Variants in CRTC1 observed in about 807,000 individuals in gnomAD.
CRTC1 encodes the protein CREB-regulated transcription coactivator 1.
In CRTC1, 18 loss-of-function variants were observed where a neutral mutation model predicts 66.1. The observed-to-expected ratio is 0.27, with a 90% CI of 0.19 to 0.40. The LOEUF is 0.40. Among genes scored for constraint, CRTC1 ranks in the 10% least tolerant of loss-of-function variants. CRTC1 has a pLI of 1.00. For missense variants in CRTC1, 669 were observed against 887.9 expected (o/e 0.75, Z 3.13); for synonymous variants, 416 against 398.8 (o/e 1.04, Z -0.51).
At position 18,780,749 on chromosome 19, in the gene CRTC1, G is replaced by T. The variant is rs977346952; in HGVS notation, c.*3367G>T. Reference sequence around the variant, plus strand: ...TTGCTGTGTTGCCCAGGCTGGTCTCGGACTCCTGGGCTCAAGCAGTCCTCC... The same window carrying T: ...TTGCTGTGTTGCCCAGGCTGGTCTCTGACTCCTGGGCTCAAGCAGTCCTCC... On this transcript the variant is annotated 3_prime_UTR_variant, in exon 14 of 14. Transcript: ENST00000321949. 2 of 216,474 alleles carry T rather than the reference G, an allele frequency of 9.2e-6. No homozygotes were observed. The highest frequency in any genetic ancestry group is 1.8e-4 in the South Asian group (1 of 5,610). 13.4% of individuals were successfully genotyped at this position (216,474 alleles called of 1,614,324 possible).
rs533083004 is a variant in CRTC1 at position 18,768,285 on chromosome 19, C to T, written c.1012-200C>T. On this transcript the variant is annotated intron_variant, in intron 9 of 13. Transcript: ENST00000321949. This position sits in a 1 kb window ranked among gnomAD's most constrained non-coding sequence, Gnocchi z 5.6. ...GAGGTCAGGTCCTGCCCAGCTCCAG[C>T]TGACCCCCTTGGGGCCCTGCGTGAG... Among the ~76,000 whole-genome samples the T allele has an allele frequency of 2.6e-5, 4 of 152,338 alleles. No individual in the cohort carries two copies. The highest frequency in any genetic ancestry group is 9.6e-5 in the African/African-American group (4 of 41,576).
rs560740338 is a variant in CRTC1, at chr19:18,778,877, G to T, written c.*1495G>T. ...GCCCACACCCCCTCTCTTGGGCAGCGTGGTCTGCTGGCTGCCCCTTCTTGG... is the reference window on the plus strand; with the variant it reads ...GCCCACACCCCCTCTCTTGGGCAGCTTGGTCTGCTGGCTGCCCCTTCTTGG... On this transcript the variant is annotated 3_prime_UTR_variant, in exon 14 of 14. Coordinates refer to ENST00000321949, the MANE Select transcript of CRTC1 (RefSeq NM_015321.3). The T allele has an allele frequency of 1.7e-5, 4 of 231,160 alleles. No homozygotes were observed. The highest frequency in any genetic ancestry group is 3.4e-5 in the Non-Finnish European group (4 of 116,796). 14.3% of individuals were successfully genotyped at this position (231,160 alleles called of 1,614,324 possible).
At chr19:18,765,094 T>TGGGCCAGCCTGGTTACATGCCCATCTGG (rs2054698972) in intron 8 of CRTC1, among the ~76,000 whole-genome samples, 1 of 152,120 alleles carries the variant, frequency 6.6e-6, no homozygotes, top group African/African-American at 2.4e-5. Context: ...AGGCTCTCAT[T>TGGGCCAGCCTGGTTACATGCCCATCTGG]GGGCCAGCCT....
intron 7 of CRTC1, 52 bp from the exon 8 acceptor site, chr19:18,759,956 G>C (rs114849925): frequency 6.5e-5 from 79 of 1,220,962 alleles, no homozygotes; most frequent in Non-Finnish European, 7.5e-5. Context: ...TGTCCCCGCC[G>C]CCAGCCCCGC....
intron 11 of CRTC1, among the ~76,000 whole-genome samples, chr19:18,773,830 C>T (rs1385367583): frequency 6.6e-6 from 1 of 152,168 alleles, no homozygotes; most frequent in Middle Eastern, 3.4e-3. Context: ...GCCCACTGAC[C>T]ACCAGGAGCA....
Position 18,782,234 on chromosome 19 carries a change from A to G in CRTC1, c.*4852A>G, listed in dbSNP as rs1295294292. 2 of 227,228 alleles carry G rather than the reference A, an allele frequency of 8.8e-6. No homozygotes were observed. The highest frequency in any genetic ancestry group is 2.2e-5 in the African/African-American group (1 of 44,624). 14.1% of individuals were successfully genotyped at this position (227,228 alleles called of 1,614,324 possible). A position where few individuals can be genotyped will look rare whatever the true frequency, so the allele number is the denominator to read the frequency against. On this transcript the variant is annotated 3_prime_UTR_variant, in exon 14 of 14. Transcript: ENST00000321949. ...GGCGGGGGCAGGCGGCTCAGGGCAC[A>G]CTCGGCCGTCCCTGCCCCATCCTCT...
intron 1 of CRTC1, among the ~76,000 whole-genome samples, chr19:18,731,761 A>T (rs545514035): frequency 3.9e-5 from 6 of 152,098 alleles, no homozygotes; most frequent in African/African-American, 9.7e-5. Context: ...CATTCCAGAA[A>T]CACCGCCCAC....
chr19:18,711,368 G>A (rs936263682), intron 1 of CRTC1, among the ~76,000 whole-genome samples: 10 of 152,098 alleles, frequency 6.6e-5, no homozygotes, highest in Non-Finnish European at 8.8e-5. Context: ...CCGATCCTGC[G>A]CCTCTGTGCC....
chr19:18,740,735 G>A (rs992986132), intron 1 of CRTC1, among the ~76,000 whole-genome samples: 1 of 152,182 alleles, frequency 6.6e-6, no homozygotes, highest in Admixed American at 6.6e-5. Context: ...CAGGCGCGGT[G>A]ACTCATTCCT....
intron 8 of CRTC1, among the ~76,000 whole-genome samples, chr19:18,763,073 T>C (rs1232336256): frequency 6.6e-6 from 1 of 152,174 alleles, no homozygotes; most frequent in Non-Finnish European, 1.5e-5. Flanking sequence ...TCCTTACCAT[T>C]GTGCTACAGT....
In CRTC1 at chr19:18,777,845, G is replaced by A. The variant is rs768104027; in HGVS notation, c.*463G>A. ...TGGTTCCCGGTCCCCCAGCCCATCCGCCATCCCCAGCCCGTGGTCAGGTAG... is the reference window on the plus strand; with the variant it reads ...TGGTTCCCGGTCCCCCAGCCCATCCACCATCCCCAGCCCGTGGTCAGGTAG... On this transcript the variant is annotated 3_prime_UTR_variant, in exon 14 of 14. Transcript: ENST00000321949. The surrounding 1 kb of genome is among the most constrained non-coding windows in gnomAD (Gnocchi z 5.5). 3 of 291,080 alleles carry A rather than the reference G, an allele frequency of 1.0e-5. No individual in the cohort carries two copies. The highest frequency in any genetic ancestry group is 4.4e-5 in the African/African-American group (2 of 45,714). The allele number at this position is 291,080 out of a possible 1,614,324, so 18.0% of individuals were successfully genotyped here.
chr19:18,745,867 G>C lies in CRTC1; in HGVS notation c.288G>C (p.Arg96=), dbSNP rs1006394036. ...GCCTGGACACCAGCCGGACCACCCG[G>C]CACCATGGGCTGGTGGACAGGGTGT... The part of the protein sequence containing the change: ...SSGLDTSRTT[R]HHGLVDRVYR... Residue 96 remains arginine, a synonymous_variant, in exon 3 of 14, where the codon CGG becomes CGC. Coordinates refer to ENST00000321949, the MANE Select transcript of CRTC1 (RefSeq NM_015321.3). 3.7e-6 allele frequency: 6 copies of C among 1,613,602 alleles called. No individual in the cohort carries two copies. The highest frequency in any genetic ancestry group is 5.1e-6 in the Non-Finnish European group (6 of 1,179,944).
rs1049726499 is a variant in CRTC1 at position 18,760,863 on chromosome 19, T to G, written c.886+635T>G. On this transcript the variant is annotated intron_variant, in intron 8 of 13. Coordinates refer to ENST00000321949, the MANE Select transcript of CRTC1 (RefSeq NM_015321.3). This position sits in a 1 kb window ranked among gnomAD's most constrained non-coding sequence, Gnocchi z 6.2. ...ACATGGACCTGACCCATTGTCAGCG[T>G]GTCCTGTCGGTTCCGCCCTCAGGAC... is the stretch of plus-strand genomic sequence containing the variant. Among the ~76,000 whole-genome samples, 1 of 151,854 alleles carries G rather than the reference T, an allele frequency of 6.6e-6. No homozygotes were observed. The highest frequency in any genetic ancestry group is 1.5e-5 in the Non-Finnish European group (1 of 67,922).
intron 1 of CRTC1, among the ~76,000 whole-genome samples, chr19:18,713,837 C>T (rs370573509): frequency 2.6e-5 from 4 of 152,374 alleles, no homozygotes; most frequent in South Asian, 4.1e-4. Flanking sequence ...CAAAAGGCCA[C>T]GCAGAGGTGG....
At chr19:18,753,275 C>CTAAATAAA (rs59575360) in intron 5 of CRTC1, among the ~76,000 whole-genome samples, 4,887 of 146,004 alleles carry the variant, frequency 0.033, 213 homozygotes, top group African/African-American at 0.096. Flanking sequence ...GACTCCGTCT[C>CTAAATAAA]TAAATAAATA....
chr19:18,720,854 A>C (rs968414029), intron 1 of CRTC1, among the ~76,000 whole-genome samples: 10 of 69,282 alleles, frequency 1.4e-4, no homozygotes, highest in Non-Finnish European at 2.2e-4. Flanking sequence ...ATGTGCACGC[A>C]TGCATGGGGC....
chr19:18,749,227 C>A (rs1401959188), intron 4 of CRTC1, among the ~76,000 whole-genome samples: 1 of 152,200 alleles, frequency 6.6e-6, no homozygotes, highest in Non-Finnish European at 1.5e-5. Context: ...CCACGGGGGC[C>A]TCTAAGTGGC....
chr19:18,773,786 C>G (rs969696033), intron 11 of CRTC1, among the ~76,000 whole-genome samples: 2 of 152,170 alleles, frequency 1.3e-5, no homozygotes, highest in African/African-American at 4.8e-5. Context: ...CAAGCCTCCT[C>G]GCCCCAGGGT....
intron 1 of CRTC1, among the ~76,000 whole-genome samples, chr19:18,694,880 CT>C (rs1012947669): frequency 2.4e-4 from 36 of 151,466 alleles, no homozygotes; most frequent in Non-Finnish European, 4.6e-4. Context: ...AGTTCTCCCA[CT>C]TTCAGCGACC....
Sources: allele counts gnomAD v4.1 joint callset (sites outside exome capture counted in the v4.1 genomes callset), GRCh38; gene constraint gnomAD v4.1.1; non-coding constraint Gnocchi (gnomAD v3.1); transcripts MANE v1.5; gene names NCBI Gene and HGNC (gene_info 2026-07-23, HGNC 2026-07-21).